Variants in CDKL4 observed in about 807,000 individuals in gnomAD.
CDKL4 encodes cyclin dependent kinase like 4.
Under a neutral mutation model 42.0 loss-of-function variants are expected in CDKL4, and 44 were observed. The observed-to-expected ratio is 1.05, with a 90% CI of 0.82 to 1.35. The LOEUF is 1.35. Ranked by LOEUF, CDKL4 falls within the 40% of genes most tolerant of loss-of-function variation. The pLI, the probability that CDKL4 is intolerant of heterozygous loss-of-function variation, is 0.00. For synonymous variants in CDKL4, 120 were observed against 121.6 expected, an observed-to-expected ratio of 0.99 and a Z score of 0.09; for missense variants, 393 against 369.9, an observed-to-expected ratio of 1.06 and a Z score of -0.51.
At chr2:39,195,642 T>TA (rs146816120) in intron 5 of CDKL4, among the ~76,000 whole-genome samples, 2 of 123,580 alleles carry the variant, frequency 1.6e-5, no homozygotes, top group Non-Finnish European at 3.4e-5. Flanking sequence ...TTTTAATTAA[T>TA]TTTTTTTTTT....
chr2:39,196,964 C>G (rs1350391927), intron 5 of CDKL4, among the ~76,000 whole-genome samples: 1 of 152,064 alleles, frequency 6.6e-6, no homozygotes, highest in Non-Finnish European at 1.5e-5. Context: ...GCAATGGATC[C>G]AAGCCAGGAG....
chr2:39,204,695 CA>C, intron 4 of CDKL4, 78 bp from the exon 5 acceptor site: 2 of 742,878 alleles, frequency 2.7e-6, no homozygotes, highest in Non-Finnish European at 4.5e-6. Context: ...GTTTAAATAA[CA>C]GATACACAGC....
chr2:39,225,460 G>C lies in CDKL4; in HGVS notation c.290+379C>G, dbSNP rs78958128. 8.5e-3 allele frequency among the ~76,000 whole-genome samples: 1,289 copies of C among 151,494 alleles called. 22 individuals carry two copies. Among genetic ancestry groups the C allele is most frequent in the African/African-American group, 0.029 (1,203 of 41,262 alleles). ...ATGCTAGGGATTAAAAAAAAATCAGGAAAGGATGTTGAATTTATCAACATT... is the reference window on the plus strand; with the variant it reads ...ATGCTAGGGATTAAAAAAAAATCAGCAAAGGATGTTGAATTTATCAACATT... On this transcript the variant is annotated intron_variant, in intron 3 of 9. Coordinates refer to ENST00000451199, the Ensembl canonical transcript of CDKL4.
chr2:39,195,779 G>C (rs965571989), intron 5 of CDKL4, among the ~76,000 whole-genome samples: 6 of 151,824 alleles, frequency 4.0e-5, no homozygotes, highest in Admixed American at 6.6e-5. Flanking sequence ...AGTTAGCTGG[G>C]ATTACTGGTT....
chr2:39,174,521 C>T (rs533409847), downstream of CDKL4, among the ~76,000 whole-genome samples: 1 of 152,152 alleles, frequency 6.6e-6, no homozygotes, highest in South Asian at 2.1e-4. Flanking sequence ...TTTCTAAGTG[C>T]GGAAGACTTT....
intron 5 of CDKL4, among the ~76,000 whole-genome samples, chr2:39,194,320 A>G (rs528449812): frequency 1.3e-5 from 2 of 152,268 alleles, no homozygotes; most frequent in South Asian, 4.1e-4. Context: ...AGCCCTATCA[A>G]AAATACAAAA....
intron 9 of CDKL4, among the ~76,000 whole-genome samples, chr2:39,177,919 C>T (rs906551578): frequency 3.9e-5 from 6 of 151,992 alleles, no homozygotes; most frequent in Non-Finnish European, 7.4e-5. Context: ...AAACTCCTGA[C>T]CTCAAGTGAT....
intron 3 of CDKL4, among the ~76,000 whole-genome samples, chr2:39,221,022 T>C (rs1238048052): frequency 1.1e-4 from 15 of 135,516 alleles, no homozygotes; most frequent in Non-Finnish European, 2.2e-4. Flanking sequence ...TGTTTTGTTT[T>C]TGTTTTTTGA....
chr2:39,229,351 T>G lies in CDKL4; in HGVS notation c.168+14A>C, dbSNP rs1457386191. On this transcript the variant is annotated intron_variant, in intron 2 of 9. Transcript: ENST00000451199. The stretch of plus-strand genomic sequence containing the variant: ...AATTCCATGATATTTTACATATATA[T>G]AAAGTTAACTTACCTTCAACATACG... 5 of 1,527,960 alleles carry G rather than the reference T, an allele frequency of 3.3e-6. No homozygotes were observed. Among genetic ancestry groups the G allele is most frequent in the Non-Finnish European group, 4.4e-6 (5 of 1,125,382 alleles). 94.7% of individuals were successfully genotyped at this position (1,527,960 alleles called of 1,614,324 possible). A position where few individuals can be genotyped will look rare whatever the true frequency, so the allele number is the denominator to read the frequency against.
At chr2:39,230,407 T>C (rs2148395476) in intron 1 of CDKL4, among the ~76,000 whole-genome samples, 1 of 152,324 alleles carries the variant, frequency 6.6e-6, no homozygotes, top group South Asian at 2.1e-4. Flanking sequence ...TTTATTTTCA[T>C]GGAAGAACAG....
intron 5 of CDKL4, among the ~76,000 whole-genome samples, chr2:39,194,761 A>G (rs558526303): frequency 6.6e-6 from 1 of 152,164 alleles, no homozygotes; most frequent in South Asian, 2.1e-4. Context: ...CTCTCTGTGT[A>G]TATCTATATA....
At chr2:39,223,602 CTTCT>C (rs1178936662) in intron 3 of CDKL4, among the ~76,000 whole-genome samples, 3 of 76,428 alleles carry the variant, frequency 3.9e-5, no homozygotes, top group African/African-American at 1.4e-4. Context: ...TTTTTGAAGA[CTTCT>C]GTCTTCAAAA....
rs528462176 is a variant in CDKL4, at chr2:39,201,813, A to G, written c.454+2714T>C. ...GACACAAAGGCATAAGAATAATACA[A>G]TGGACTTTGGGGACTCAGCCGAAAG... On this transcript the variant is annotated intron_variant, in intron 5 of 9. Transcript: ENST00000451199. 3.9e-5 allele frequency among the ~76,000 whole-genome samples: 6 copies of G among 152,258 alleles called. No homozygotes were observed. The East Asian group carries it at 9.7e-4, about 25-fold the overall frequency.
At chr2:39,180,686 CTTTTTTTTTTT>C (rs1167370938) in intron 8 of CDKL4, among the ~76,000 whole-genome samples, 1 of 121,080 alleles carries the variant, frequency 8.3e-6, no homozygotes, top group Non-Finnish European at 1.7e-5. Context: ...GAGAGAAAGA[CTTTTTTTTTTT>C]TTTTTTTTTT....
At chr2:39,208,906 C>T (rs1199755590) in intron 4 of CDKL4, among the ~76,000 whole-genome samples, 1 of 151,934 alleles carries the variant, frequency 6.6e-6, no homozygotes, top group Non-Finnish European at 1.5e-5. Context: ...GATGCTCACA[C>T]ATCGAGGAGA....
chr2:39,187,591 C>G (rs748867196), intron 7 of CDKL4, 36 bp downstream of exon 7: 2 of 1,393,468 alleles, frequency 1.4e-6, no homozygotes, highest in Non-Finnish European at 2.0e-6. Flanking sequence ...AAAGCCGCAA[C>G]ACAAGTAATA....
chr2:39,233,311 G>A lies in CDKL4; in HGVS notation c.-56-3723C>T, dbSNP rs1679179883. Among the ~76,000 whole-genome samples the A allele has an allele frequency of 2.0e-5, 3 of 152,070 alleles. No individual in the cohort carries two copies. The South Asian group carries it at 6.2e-4, about 32-fold the overall frequency. ...TGGTAGATCAGAACACTCACTACAA[G>A]GAAGGGGTGTAAAAGTAACATGGGT... On this transcript the variant is annotated intron_variant, in intron 1 of 9. Coordinates refer to ENST00000451199, the Ensembl canonical transcript of CDKL4.
exon 1 of CDKL4, among the ~76,000 whole-genome samples, chr2:39,243,940 TGTCGCTC>T (rs1679794906): frequency 6.6e-6 from 1 of 152,146 alleles, no homozygotes; most frequent in Non-Finnish European, 1.5e-5. Flanking sequence ...CTCCCGCGCG[TGTCGCTC>T]GGAGGAGGCG....
intron 5 of CDKL4, among the ~76,000 whole-genome samples, chr2:39,193,255 G>A (rs1398572709): frequency 4.0e-5 from 6 of 148,182 alleles, no homozygotes; most frequent in African/African-American, 1.2e-4. Context: ...GCAGAATGGC[G>A]AAATCTCTCT....
Sources: allele counts gnomAD v4.1 joint callset (sites outside exome capture counted in the v4.1 genomes callset), GRCh38; gene constraint gnomAD v4.1.1; transcripts MANE v1.5; gene names NCBI Gene and HGNC (gene_info 2026-07-23, HGNC 2026-07-21).